The following EXOC4 variants were observed in gnomAD, a reference collection of about 807,000 sequenced individuals.
The protein encoded by EXOC4 is exocyst complex component 4, also known as SEC8-like 1.
EXOC4 carries 71 observed loss-of-function variants against 107.2 expected under a neutral mutation model. The observed-to-expected ratio is 0.66, with a 90% CI of 0.55 to 0.81. EXOC4 has a LOEUF of 0.81. Ranked by LOEUF, EXOC4 falls within the 30% of genes least tolerant of loss-of-function variation. The pLI, the probability that EXOC4 is intolerant of heterozygous loss-of-function variation, is 0.00. For synonymous variants in EXOC4, 456 were observed against 441.2 expected, an observed-to-expected ratio of 1.03 and a Z score of -0.42; for missense variants, 1,108 against 1,189.6, an observed-to-expected ratio of 0.93 and a Z score of 1.01.
chr7:133,398,123 T>C (rs1797012519), intron 7 of EXOC4, among the ~76,000 whole-genome samples: 3 of 152,120 alleles, frequency 2.0e-5, no homozygotes, highest in Admixed American at 2.0e-4. Context: ...CTTATTGTAA[T>C]CTGGAAAAAA....
intron 10 of EXOC4, among the ~76,000 whole-genome samples, chr7:133,747,651 G>C (rs1795706017): frequency 6.6e-6 from 1 of 152,100 alleles, no homozygotes; most frequent in African/African-American, 2.4e-5. Context: ...GTAAAATGAT[G>C]ATGGTGATGT....
intron 7 of EXOC4, chr7:133,447,336 G>A (rs927661950): frequency 6.6e-6 from 1 of 151,980 alleles, no homozygotes; most frequent in African/African-American, 2.4e-5. Flanking sequence ...AATGAACATT[G>A]CTTCACTCTC....
At chr7:133,399,454 G>A (rs547922293) in intron 7 of EXOC4, among the ~76,000 whole-genome samples, 67 of 152,312 alleles carry the variant, frequency 4.4e-4, no homozygotes, top group South Asian at 2.1e-3. Flanking sequence ...TTGAGTGCGC[G>A]ATTCTGTCTT....
At chr7:133,384,980 A>G (rs1423657199) in intron 7 of EXOC4, among the ~76,000 whole-genome samples, 18 of 152,174 alleles carry the variant, frequency 1.2e-4, no homozygotes, top group Admixed American at 1.1e-3. Flanking sequence ...ACGCATCTGC[A>G]GCATGGACTG....
chr7:134,025,916 G>A (rs1251103139), intron 17 of EXOC4, among the ~76,000 whole-genome samples: 6 of 152,084 alleles, frequency 3.9e-5, no homozygotes, highest in East Asian at 3.9e-4. Flanking sequence ...CATGAATGAC[G>A]GGAGGCATGT....
At chr7:133,259,996 G>A (rs772246863) in intron 1 of EXOC4, among the ~76,000 whole-genome samples, 1 of 151,926 alleles carries the variant, frequency 6.6e-6, no homozygotes, top group Non-Finnish European at 1.5e-5. Flanking sequence ...AACACTTCCA[G>A]CATCCTAGAA....
intron 9 of EXOC4, chr7:133,551,786 T>C (rs915712369): frequency 1.1e-4 from 16 of 152,136 alleles, no homozygotes; most frequent in African/African-American, 3.9e-4. Flanking sequence ...GAAAATAATA[T>C]GCCTGTGTTA....
At chr7:133,777,312 AGAGAGAGAGAAT>A (rs1796367729) in intron 10 of EXOC4, among the ~76,000 whole-genome samples, 1 of 115,684 alleles carries the variant, frequency 8.6e-6, no homozygotes. Context: ...AGAGAGAGAG[AGAGAGAGAGAAT>A]ATATATATAT....
At chr7:133,697,746 G>C (rs1794567836) in intron 10 of EXOC4, among the ~76,000 whole-genome samples, 1 of 152,176 alleles carries the variant, frequency 6.6e-6, no homozygotes, top group Admixed American at 6.5e-5. Flanking sequence ...AAGTCCCTAA[G>C]TGGAAGCATC....
intron 7 of EXOC4, among the ~76,000 whole-genome samples, chr7:133,463,462 G>A (rs1798642001): frequency 6.6e-6 from 1 of 152,176 alleles, no homozygotes; most frequent in Non-Finnish European, 1.5e-5. Flanking sequence ...CAATGGCAGT[G>A]TATCTTTGGA....
chr7:134,100,843 C>T, the EXOC4 span, among the ~76,000 whole-genome samples: 1 of 128,688 alleles, frequency 7.8e-6, no homozygotes, highest in Admixed American at 8.8e-5. Flanking sequence ...ACTTGGGAGG[C>T]TGAGGCAGGA....
chr7:133,811,131 T>C (rs985228717), intron 10 of EXOC4, among the ~76,000 whole-genome samples: 2 of 152,180 alleles, frequency 1.3e-5, no homozygotes, highest in Non-Finnish European at 2.9e-5. Flanking sequence ...TTTTTCCATA[T>C]ACACAGATAT....
chr7:133,616,967 C>G (rs535591915), intron 9 of EXOC4, among the ~76,000 whole-genome samples: 19 of 151,980 alleles, frequency 1.3e-4, no homozygotes, highest in Non-Finnish European at 2.2e-4. Flanking sequence ...CATCTGGTTG[C>G]CTTATTTTAT....
rs1800344803 is a variant in EXOC4, at chr7:133,938,067, A to G, written c.2204A>G (p.Gln735Arg). 1 of 1,614,120 alleles carries G rather than the reference A, an allele frequency of 6.2e-7. No homozygotes were observed. The highest frequency in any genetic ancestry group is 8.5e-7 in the Non-Finnish European group (1 of 1,180,006). ...KSAFSNLSTS[Q>R]MLSPAQDSHT... ...GCTTTCTCCAATCTTTCTACATCCC[A>G]GAGTAAGTATCTAGTAGGAAGCTGT... The change falls in exon 14 of 18, where the codon CAG (glutamine) becomes CGG (arginine). Residue 735 changes from glutamine (Q) to arginine (R), a missense_variant and splice_region_variant. Transcript: ENST00000253861.
At chr7:133,750,485 C>A (rs1337107652) in intron 10 of EXOC4, among the ~76,000 whole-genome samples, 1 of 152,094 alleles carries the variant, frequency 6.6e-6, no homozygotes, top group Non-Finnish European at 1.5e-5. Flanking sequence ...TGTGGTGCTT[C>A]ATGCTGTGAG....
intron 9 of EXOC4, among the ~76,000 whole-genome samples, chr7:133,609,920 A>G (rs1483709987): frequency 6.6e-6 from 1 of 152,228 alleles, no homozygotes; most frequent in Non-Finnish European, 1.5e-5. Flanking sequence ...ATTGACCAAG[A>G]CATCAGTAGT....
At chr7:134,059,717 A>G (rs770905236) in intron 17 of EXOC4, among the ~76,000 whole-genome samples, 1 of 152,220 alleles carries the variant, frequency 6.6e-6, no homozygotes, top group Non-Finnish European at 1.5e-5. Flanking sequence ...TTCAACCTAA[A>G]TATTTCAACT....
At chr7:133,682,067 T>C (rs1431585376) in intron 10 of EXOC4, among the ~76,000 whole-genome samples, 2 of 151,952 alleles carry the variant, frequency 1.3e-5, no homozygotes, top group East Asian at 1.9e-4. Context: ...TGCCCAGCTA[T>C]TTTTTCTTTT....
chr7:133,457,090 C>T (rs1798480517), intron 7 of EXOC4, among the ~76,000 whole-genome samples: 1 of 152,038 alleles, frequency 6.6e-6, no homozygotes, highest in Non-Finnish European at 1.5e-5. Context: ...TTTAGTGAAA[C>T]GTTAATATTT....
Sources: allele counts gnomAD v4.1 joint callset (sites outside exome capture counted in the v4.1 genomes callset), GRCh38; gene constraint gnomAD v4.1.1; transcripts MANE v1.5; gene names NCBI Gene and HGNC (gene_info 2026-07-23, HGNC 2026-07-21).